Variants in CADPS observed in about 807,000 individuals in gnomAD.
CADPS encodes calcium dependent secretion activator.
Under a neutral mutation model 167.3 loss-of-function variants are expected in CADPS, and 57 were observed. The ratio of observed to expected loss-of-function variants is 0.34; its 90% CI spans 0.28 to 0.42. CADPS has a LOEUF of 0.42. Ranked by LOEUF, CADPS falls within the 20% of genes least tolerant of loss-of-function variation. The probability of loss-of-function intolerance (pLI) is 1.00; values close to 1 mark genes in which losing one functional copy is unlikely to be tolerated. For missense variants in CADPS, 1,414 were observed against 1,738.1 expected, an observed-to-expected ratio of 0.81 and a Z score of 3.32; for synonymous variants, 676 against 635.3, an observed-to-expected ratio of 1.06 and a Z score of -0.96.
chr3:62,808,311 A>G (rs2094212301), intron 1 of CADPS, among the ~76,000 whole-genome samples: 1 of 152,168 alleles, frequency 6.6e-6, no homozygotes, highest in Non-Finnish European at 1.5e-5. Flanking sequence ...ACTCTCCAGA[A>G]AAATGAGACT....
At chr3:62,814,729 A>C (rs1195042051) in intron 1 of CADPS, among the ~76,000 whole-genome samples, 4 of 152,160 alleles carry the variant, frequency 2.6e-5, no homozygotes, top group Non-Finnish European at 5.9e-5. Flanking sequence ...TTGTTGCTGC[A>C]AGACCATGTT....
chr3:62,399,451 G>A lies in CADPS; in HGVS notation c.4017C>T (p.Gly1339=). 6.2e-7 allele frequency: 1 copy of A among 1,614,140 alleles called. No individual in the cohort carries two copies. Among genetic ancestry groups the A allele is most frequent in the Non-Finnish European group, 8.5e-7 (1 of 1,180,000 alleles). ...CCTCATCGCTGTCCTTCATGCTGAT[G>A]CCCTGCAGTCCCCCACCTTCACTCA... ...ASVSEGGGLQ[G]ISMKDSDEED... Residue 1339 remains glycine (G), a synonymous_variant, in exon 30 of 30, where the codon GGC becomes GGT. Coordinates refer to ENST00000383710, the MANE Select transcript of CADPS (RefSeq NM_003716.4). This position sits in a 1 kb window ranked among gnomAD's most constrained non-coding sequence, Gnocchi z 5.6.
At position 62,465,454 on chromosome 3, in the gene CADPS, G is replaced by A; in HGVS notation, c.3553-4C>T. 3 of 1,587,368 alleles carry A rather than the reference G, an allele frequency of 1.9e-6. No individual in the cohort carries two copies. Among genetic ancestry groups the A allele is most frequent in the Non-Finnish European group, 1.7e-6 (2 of 1,165,980 alleles). On this transcript the variant is annotated splice_polypyrimidine_tract_variant and splice_region_variant and intron_variant, in intron 25 of 29. Coordinates refer to ENST00000383710, the MANE Select transcript of CADPS (RefSeq NM_003716.4). This position sits in a 1 kb window ranked among gnomAD's most constrained non-coding sequence, Gnocchi z 4.1. ...CTCCTTCCAAGATAGTAACGAACTA[G>A]AAAAACAGCAAAAAAGAAAAAAATG...
chr3:62,864,131 A>C (rs1050894784), intron 1 of CADPS, among the ~76,000 whole-genome samples: 1 of 152,336 alleles, frequency 6.6e-6, no homozygotes, highest in African/African-American at 2.4e-5. Flanking sequence ...TCCTAGCAGA[A>C]GAAGGTAATG....
At chr3:62,840,036 A>G (rs1321395737) in intron 1 of CADPS, among the ~76,000 whole-genome samples, 2 of 152,164 alleles carry the variant, frequency 1.3e-5, no homozygotes, top group Non-Finnish European at 2.9e-5. Flanking sequence ...AGTAAGACAT[A>G]TTGAATGAAT....
At chr3:62,724,865 T>C (rs1002609964) in intron 3 of CADPS, among the ~76,000 whole-genome samples, 2 of 152,246 alleles carry the variant, frequency 1.3e-5, no homozygotes, top group African/African-American at 4.8e-5. Context: ...TCAGCTATTC[T>C]CAGGATAAGC....
chr3:62,715,753 C>CTTTTTTTTTTTTTTTTTTTTT (rs71123291), intron 3 of CADPS, among the ~76,000 whole-genome samples: 2 of 89,716 alleles, frequency 2.2e-5, no homozygotes, highest in Non-Finnish European at 4.1e-5. Flanking sequence ...GATTATAAAT[C>CTTTTTTTTTTTTTTTTTTTTT]TTTTTTTTTT....
At chr3:62,559,438 T>G (rs1245649238) in intron 9 of CADPS, among the ~76,000 whole-genome samples, 1 of 152,114 alleles carries the variant, frequency 6.6e-6, no homozygotes, top group Non-Finnish European at 1.5e-5. Flanking sequence ...GGATAACAGA[T>G]TTCCTGTGAC....
chr3:62,707,471 AG>A (rs1255221039), intron 3 of CADPS, among the ~76,000 whole-genome samples: 24 of 152,192 alleles, frequency 1.6e-4, no homozygotes, highest in Admixed American at 1.6e-3. Context: ...CCTAACACAT[AG>A]TAAGTACTGA....
chr3:62,706,647 G>C (rs1168719672), intron 3 of CADPS, among the ~76,000 whole-genome samples: 1 of 152,070 alleles, frequency 6.6e-6, no homozygotes, highest in Non-Finnish European at 1.5e-5. Context: ...GCCACCCTTG[G>C]TGTTACTTGG....
intron 11 of CADPS, among the ~76,000 whole-genome samples, chr3:62,547,106 T>C (rs1577539515): frequency 6.6e-6 from 1 of 152,330 alleles, no homozygotes; most frequent in Admixed American, 6.5e-5. Flanking sequence ...CACTGGCTGG[T>C]ACTCTGGCTG....
At chr3:62,480,976 T>G (rs911836568) in intron 22 of CADPS, among the ~76,000 whole-genome samples, 3 of 152,196 alleles carry the variant, frequency 2.0e-5, no homozygotes, top group African/African-American at 7.2e-5. Context: ...AAGTGGCCCA[T>G]GCAACTCTGA....
In CADPS at chr3:62,636,128, G is replaced by A. The variant is rs573726855; in HGVS notation, c.1325+9594C>T. ...ATAACATCTCTTACATTTGTGCCAA[G>A]TTCTTTGCATATGTTAAATTTGAAA... On this transcript the variant is annotated intron_variant, in intron 6 of 29. Transcript: ENST00000383710. 3.3e-5 allele frequency among the ~76,000 whole-genome samples: 5 copies of A among 152,268 alleles called. No individual in the cohort carries two copies. In the South Asian group the frequency reaches 6.2e-4, roughly 19 times the overall value.
At chr3:62,725,558 A>ACATTCCTACCCCGGTCCAGT (rs2076582628) in intron 3 of CADPS, among the ~76,000 whole-genome samples, 1 of 149,566 alleles carries the variant, frequency 6.7e-6, no homozygotes, top group African/African-American at 2.6e-5. Flanking sequence ...CAACCATTGA[A>ACATTCCTACCCCGGTCCAGT]GCAAGAATGA....
chr3:62,503,060 C>T (rs911347045), intron 17 of CADPS, among the ~76,000 whole-genome samples: 1 of 146,034 alleles, frequency 6.8e-6, no homozygotes, highest in African/African-American at 2.6e-5. Flanking sequence ...AACCCCCACC[C>T]ACCACCACCA....
chr3:62,513,286 T>G (rs1359386803), intron 16 of CADPS, among the ~76,000 whole-genome samples: 3 of 152,032 alleles, frequency 2.0e-5, no homozygotes, highest in Non-Finnish European at 4.4e-5. Context: ...AACGCATTGC[T>G]CCCCAGCCTA....
At chr3:62,612,217 T>G (rs889843722) in intron 6 of CADPS, among the ~76,000 whole-genome samples, 3 of 152,232 alleles carry the variant, frequency 2.0e-5, no homozygotes, top group Admixed American at 1.3e-4. Flanking sequence ...TATTTGGGCT[T>G]CAGTTTCCTC....
chr3:62,853,870 C>T (rs947104109), intron 1 of CADPS, among the ~76,000 whole-genome samples: 16 of 152,004 alleles, frequency 1.1e-4, no homozygotes, highest in Non-Finnish European at 1.9e-4. Flanking sequence ...GTGGGAGGAT[C>T]GCTTCAGCCT....
At chr3:62,684,018 T>C (rs2077561759) in intron 3 of CADPS, among the ~76,000 whole-genome samples, 1 of 152,040 alleles carries the variant, frequency 6.6e-6, no homozygotes, top group Non-Finnish European at 1.5e-5. Flanking sequence ...TTACTTTTTC[T>C]CTCCTCCCAC....
Sources: allele counts gnomAD v4.1 joint callset (sites outside exome capture counted in the v4.1 genomes callset), GRCh38; gene constraint gnomAD v4.1.1; non-coding constraint Gnocchi (gnomAD v3.1); transcripts MANE v1.5; gene names NCBI Gene and HGNC (gene_info 2026-07-23, HGNC 2026-07-21).